AGBL4: variants seen among roughly 807,000 people sequenced by gnomAD.
The protein encoded by AGBL4 is cytosolic carboxypeptidase 6.
Under a neutral mutation model 66.4 loss-of-function variants are expected in AGBL4, and 58 were observed. That is an observed-to-expected ratio of 0.87 (90% CI 0.71 to 1.09). The LOEUF (loss-of-function observed/expected upper bound fraction) is 1.09. Ranked by LOEUF, AGBL4 falls within the 50% of genes least tolerant of loss-of-function variation. AGBL4 has a pLI of 0.00. For synonymous variants in AGBL4, 234 were observed against 222.9 expected (o/e 1.05, Z -0.44); for missense variants, 579 against 631.0 (o/e 0.92, Z 0.88).
intron 3 of AGBL4, among the ~76,000 whole-genome samples, chr1:49,440,231 G>T (rs1448536805): frequency 6.6e-6 from 1 of 151,912 alleles, no homozygotes; most frequent in Non-Finnish European, 1.5e-5. Context: ...CACCACGCTG[G>T]CTAATTTTTT....
intron 3 of AGBL4, among the ~76,000 whole-genome samples, chr1:49,517,690 TAG>T (rs1429760806): frequency 6.6e-6 from 1 of 152,030 alleles, no homozygotes; most frequent in African/African-American, 2.4e-5. Context: ...AAAGTCCACA[TAG>T]AGTTTATCTT....
At chr1:48,748,980 A>C (rs1367186595) in intron 6 of AGBL4, among the ~76,000 whole-genome samples, 5 of 151,936 alleles carry the variant, frequency 3.3e-5, no homozygotes, top group Admixed American at 1.3e-4. Flanking sequence ...GTGGGGCCAT[A>C]CCCTCGGGGA....
At chr1:49,239,250 T>A (rs574647857) in intron 4 of AGBL4, among the ~76,000 whole-genome samples, 220 of 152,278 alleles carry the variant, frequency 1.4e-3, no homozygotes, top group South Asian at 7.7e-3. Flanking sequence ...GCAATAAAAC[T>A]GATGCAGTGA....
intron 5 of AGBL4, among the ~76,000 whole-genome samples, chr1:49,043,584 A>G (rs879506498): frequency 5.9e-5 from 9 of 152,138 alleles, no homozygotes; most frequent in Admixed American, 2.6e-4. Flanking sequence ...CATTTATTAA[A>G]CCTTCCTTAA....
At chr1:49,637,411 CTG>C (rs1372213607) in intron 3 of AGBL4, among the ~76,000 whole-genome samples, 6 of 151,990 alleles carry the variant, frequency 3.9e-5, no homozygotes, top group Non-Finnish European at 8.8e-5. Flanking sequence ...AGCAATTCTC[CTG>C]CCTCAGCCTC....
intron 3 of AGBL4, among the ~76,000 whole-genome samples, chr1:49,498,994 A>T (rs1005565578): frequency 2.6e-5 from 4 of 152,082 alleles, no homozygotes; most frequent in African/African-American, 9.7e-5. Context: ...ACCTATGTTC[A>T]TCGAGGATAT....
intron 9 of AGBL4, among the ~76,000 whole-genome samples, chr1:48,597,743 G>A (rs1324477905): frequency 1.4e-5 from 2 of 140,628 alleles, no homozygotes; most frequent in Non-Finnish European, 3.1e-5. Flanking sequence ...GAGGGGAGGG[G>A]AGACAGAAAA....
intron 11 of AGBL4, among the ~76,000 whole-genome samples, chr1:48,561,933 T>A (rs979953322): frequency 1.3e-5 from 2 of 152,202 alleles, no homozygotes; most frequent in Admixed American, 6.5e-5. Context: ...ATAATAAATG[T>A]CTTTATGCAT....
At chr1:49,743,928 T>C (rs1014344252) in intron 2 of AGBL4, among the ~76,000 whole-genome samples, 3 of 136,844 alleles carry the variant, frequency 2.2e-5, no homozygotes, top group Non-Finnish European at 4.8e-5. Flanking sequence ...GGGGGAGGGA[T>C]AGCATTAGGA....
At chr1:49,916,093 T>A (rs568365341) in intron 1 of AGBL4, among the ~76,000 whole-genome samples, 1 of 151,966 alleles carries the variant, frequency 6.6e-6, no homozygotes, top group Non-Finnish European at 1.5e-5. Context: ...TACGTCACCA[T>A]CATCAAAGAC....
At chr1:49,399,468 A>T (rs1398384650) in intron 3 of AGBL4, among the ~76,000 whole-genome samples, 1 of 152,140 alleles carries the variant, frequency 6.6e-6, no homozygotes, top group East Asian at 1.9e-4. Flanking sequence ...CCAAAAGTGT[A>T]TGAGGGTTCC....
intron 6 of AGBL4, among the ~76,000 whole-genome samples, chr1:48,673,865 T>C (rs1424046230): frequency 6.6e-6 from 1 of 152,218 alleles, no homozygotes; most frequent in African/African-American, 2.4e-5. Flanking sequence ...ATTACTTCTG[T>C]TGCCACTGCC....
chr1:49,950,717 C>G (rs1329439669), intron 1 of AGBL4, among the ~76,000 whole-genome samples: 8 of 151,688 alleles, frequency 5.3e-5, no homozygotes, highest in Non-Finnish European at 1.5e-5. Flanking sequence ...TATGACCCAG[C>G]AATCCCACCC....
chr1:48,759,335 T>C, intron 6 of AGBL4: 2 of 1,528,538 alleles, frequency 1.3e-6, no homozygotes, highest in Non-Finnish European at 1.8e-6. Context: ...GGGATTTTCT[T>C]GGACTGCAGA....
chr1:48,674,035 GTACTCCC>G (rs1185685233), intron 6 of AGBL4, among the ~76,000 whole-genome samples: 20 of 152,148 alleles, frequency 1.3e-4, no homozygotes, highest in Middle Eastern at 3.4e-3. Flanking sequence ...AACCCAGGCG[GTACTCCC>G]TAGCCCGCTT....
At chr1:49,384,205 A>T (rs761347314) in intron 3 of AGBL4, among the ~76,000 whole-genome samples, 22 of 152,194 alleles carry the variant, frequency 1.4e-4, no homozygotes, top group Non-Finnish European at 2.5e-4. Context: ...TCTAATATGG[A>T]ATTAATATAC....
intron 6 of AGBL4, among the ~76,000 whole-genome samples, chr1:48,763,935 C>G (rs1346733899): frequency 6.6e-6 from 1 of 152,182 alleles, no homozygotes; most frequent in Non-Finnish European, 1.5e-5. Flanking sequence ...AAGTTACTGT[C>G]ATAACATGAA....
intron 3 of AGBL4, among the ~76,000 whole-genome samples, chr1:49,499,437 A>C (rs1647917980): frequency 6.6e-6 from 1 of 151,774 alleles, no homozygotes; most frequent in South Asian, 2.1e-4. Context: ...CTTAATGGTG[A>C]TTTCTAAAAT....
chr1:49,728,163 A>G (rs1004382936), intron 2 of AGBL4, among the ~76,000 whole-genome samples: 1 of 152,172 alleles, frequency 6.6e-6, no homozygotes, highest in African/African-American at 2.4e-5. Flanking sequence ...TATTCAAAAT[A>G]TTGCTTCCCA....
Sources: gnomAD v4.1 joint callset for allele counts (sites outside exome capture counted in the v4.1 genomes callset) on GRCh38, gnomAD v4.1.1 for gene constraint, MANE v1.5 for transcripts, NCBI Gene and HGNC (gene_info 2026-07-23, HGNC 2026-07-21) for gene names.